STARD13: variants seen among roughly 807,000 people sequenced by gnomAD.
STARD13 encodes the protein StAR related lipid transfer domain containing 13, also known as stAR-related lipid transfer protein 13.
In STARD13, 62 loss-of-function variants were observed where a neutral mutation model predicts 106.4. The observed-to-expected ratio is 0.58, with a 90% CI of 0.48 to 0.72. The LOEUF is 0.72. Ranked by LOEUF, STARD13 falls within the 30% of genes least tolerant of loss-of-function variation. STARD13 has a pLI of 0.00. For missense variants in STARD13, 1,387 were observed against 1,424.0 expected, an observed-to-expected ratio of 0.97 and a Z score of 0.42; for synonymous variants, 565 against 553.0, an observed-to-expected ratio of 1.02 and a Z score of -0.31.
Position 33,106,927 on chromosome 13 carries a change from T to C in STARD13, c.3055A>G (p.Lys1019Glu). ...SRDFVVLRTW[K>E]TDLPKGMCTL... ...CACATTCCTTTGGGCAAATCAGTTT[T>C]CCAGGTCCTGTAGCAAAACAATCCG... Residue 1019 changes from lysine (K) to glutamate (E), a missense_variant, in exon 13 of 14, where the codon AAA becomes GAA. By Grantham distance (56) the Lys-to-Glu change is moderately conservative. Coordinates refer to ENST00000336934, the MANE Select transcript of STARD13 (RefSeq NM_178006.4). The C allele has an allele frequency of 6.2e-7, 1 of 1,612,382 alleles. No homozygotes were observed. Among genetic ancestry groups the C allele is most frequent in the Non-Finnish European group, 8.5e-7 (1 of 1,179,016 alleles).
the STARD13 span, among the ~76,000 whole-genome samples, chr13:33,452,427 C>T: frequency 6.6e-6 from 1 of 152,218 alleles, no homozygotes; most frequent in Non-Finnish European, 1.5e-5. Flanking sequence ...AGTACTCAGA[C>T]TAGAGCTTCA....
chr13:33,440,993 C>T, the STARD13 span, among the ~76,000 whole-genome samples: 28 of 151,738 alleles, frequency 1.8e-4, no homozygotes, highest in Non-Finnish European at 2.5e-4. Flanking sequence ...CAAAACTCAA[C>T]GTCCTCTCCT....
chr13:33,589,809 T>C, the STARD13 span, among the ~76,000 whole-genome samples: 1 of 152,198 alleles, frequency 6.6e-6, no homozygotes, highest in Non-Finnish European at 1.5e-5. Flanking sequence ...TAGATGTCTA[T>C]TAGGTCTGCT....
chr13:33,408,430 C>T, the STARD13 span, among the ~76,000 whole-genome samples: 2 of 151,650 alleles, frequency 1.3e-5, no homozygotes, highest in Non-Finnish European at 2.9e-5. Context: ...GTAAATGGTT[C>T]ATTTCATTTA....
At chr13:33,586,594 G>A in the STARD13 span, among the ~76,000 whole-genome samples, 3 of 152,168 alleles carry the variant, frequency 2.0e-5, no homozygotes, top group Non-Finnish European at 4.4e-5. Flanking sequence ...ATCTGGTAAG[G>A]TGTCTTAACC....
In STARD13 at chr13:33,104,687, G is replaced by A. The variant is rs936371334; in HGVS notation, c.*906C>T. 1.3e-5 allele frequency: 2 copies of A among 153,316 alleles called. No homozygotes were observed. Among genetic ancestry groups the A allele is most frequent in the Non-Finnish European group, 2.9e-5 (2 of 68,028 alleles). 9.5% of individuals were successfully genotyped at this position (153,316 alleles called of 1,614,324 possible). A position where few individuals can be genotyped will look rare whatever the true frequency, so the allele number is the denominator to read the frequency against. ...TTATAAAAACTTGAGACAACACAGG[G>A]GCTCCCTTTGGCTGTGAAGAAGTAA... On this transcript the variant is annotated 3_prime_UTR_variant, in exon 14 of 14. Transcript: ENST00000336934.
chr13:33,309,556 G>A (rs944135707), intron 1 of STARD13, among the ~76,000 whole-genome samples: 1 of 152,190 alleles, frequency 6.6e-6, no homozygotes, highest in Non-Finnish European at 1.5e-5. Context: ...GGTTTGCAAG[G>A]AGGAGAGAGG....
intron 1 of STARD13, among the ~76,000 whole-genome samples, chr13:33,251,054 T>G (rs967641062): frequency 2.0e-5 from 3 of 152,138 alleles, no homozygotes; most frequent in African/African-American, 7.2e-5. Flanking sequence ...GAGAACAAGA[T>G]AAGATCAAGG....
chr13:33,399,609 G>C, the STARD13 span, among the ~76,000 whole-genome samples: 3 of 147,640 alleles, frequency 2.0e-5, no homozygotes, highest in Non-Finnish European at 4.4e-5. Flanking sequence ...GCTGAGGCAG[G>C]AGAATGGCAT....
At chr13:33,186,891 G>A (rs757217151) in intron 1 of STARD13, among the ~76,000 whole-genome samples, 5 of 152,150 alleles carry the variant, frequency 3.3e-5, no homozygotes, top group Non-Finnish European at 7.3e-5. Flanking sequence ...CTGCCAGAAA[G>A]CCCCGCGTTC....
chr13:33,179,755 G>T (rs952461287), intron 1 of STARD13, among the ~76,000 whole-genome samples: 1 of 152,184 alleles, frequency 6.6e-6, no homozygotes, highest in Non-Finnish European at 1.5e-5. Context: ...TGCAGAACAG[G>T]ACACTATCCT....
the STARD13 span, among the ~76,000 whole-genome samples, chr13:33,495,786 C>T: frequency 2.7e-5 from 4 of 147,248 alleles, no homozygotes; most frequent in East Asian, 2.0e-4. Flanking sequence ...TTTATTCAGA[C>T]AAGTATTATA....
At chr13:33,283,026 T>A (rs1891877048) in intron 1 of STARD13, among the ~76,000 whole-genome samples, 1 of 152,062 alleles carries the variant, frequency 6.6e-6, no homozygotes. Flanking sequence ...TAAGACTCTG[T>A]CTCAAAAACA....
intron 1 of STARD13, among the ~76,000 whole-genome samples, chr13:33,319,008 GAC>G (rs1434536663): frequency 5.3e-5 from 8 of 152,002 alleles, no homozygotes; most frequent in Non-Finnish European, 7.4e-5. Flanking sequence ...CAAGAAGTTA[GAC>G]ACAGAGTTAC....
At chr13:33,322,868 C>A (rs114699195) in intron 1 of STARD13, among the ~76,000 whole-genome samples, 317 of 152,160 alleles carry the variant, frequency 2.1e-3, no homozygotes, top group African/African-American at 7.4e-3. Context: ...AAACAATGTC[C>A]CTGTGGATGT....
chr13:33,596,577 A>G, the STARD13 span, among the ~76,000 whole-genome samples: 1 of 152,172 alleles, frequency 6.6e-6, no homozygotes. Context: ...TCTTCTGCCA[A>G]ATTTGAAACA....
intron 1 of STARD13, among the ~76,000 whole-genome samples, chr13:33,326,176 T>C (rs2077774290): frequency 6.6e-6 from 1 of 152,026 alleles, no homozygotes; most frequent in South Asian, 2.1e-4. Context: ...TCACAGGATG[T>C]AGAGAATCAT....
the STARD13 span, among the ~76,000 whole-genome samples, chr13:33,415,305 T>C: frequency 8.5e-5 from 13 of 152,080 alleles, no homozygotes; most frequent in African/African-American, 3.1e-4. Context: ...GAGGCGGAGC[T>C]TGCAGTGAGC....
chr13:33,375,609 G>A, the STARD13 span, among the ~76,000 whole-genome samples: 1 of 152,072 alleles, frequency 6.6e-6, no homozygotes. Context: ...CATGGCAGCA[G>A]CAAGGAGAAG....
Sources: gnomAD v4.1 joint callset for allele counts (sites outside exome capture counted in the v4.1 genomes callset) on GRCh38, gnomAD v4.1.1 for gene constraint, MANE v1.5 for transcripts, NCBI Gene and HGNC (gene_info 2026-07-23, HGNC 2026-07-21) for gene names.